Variants in ZNF420 observed in about 807,000 individuals in gnomAD.
ZNF420 encodes the protein ATM and p53-associated KZNF protein.
ZNF420 carries 31 observed loss-of-function variants against 44.7 expected under a neutral mutation model. The ratio of observed to expected loss-of-function variants is 0.69; its 90% CI spans 0.52 to 0.94. ZNF420 has a LOEUF of 0.94. Ranked by LOEUF, ZNF420 falls within the 40% of genes least tolerant of loss-of-function variation. The probability of loss-of-function intolerance (pLI) is 0.00; values close to 1 mark genes in which losing one functional copy is unlikely to be tolerated. For synonymous variants in ZNF420, 245 were observed against 267.4 expected, an observed-to-expected ratio of 0.92 and a Z score of 0.82; for missense variants, 681 against 827.9, an observed-to-expected ratio of 0.82 and a Z score of 2.18.
intron 1 of ZNF420, among the ~76,000 whole-genome samples, chr19:37,064,393 A>C (rs1273740642): frequency 6.6e-5 from 10 of 152,106 alleles, no homozygotes; most frequent in Admixed American, 6.6e-4. Flanking sequence ...CAGATTTGGC[A>C]AGTGGGAGCC....
At chr19:37,038,474 T>C (rs1007232618) in intron 1 of ZNF420, among the ~76,000 whole-genome samples, 12 of 152,206 alleles carry the variant, frequency 7.9e-5, no homozygotes. Context: ...TTACCCACGG[T>C]AGAATTTTTA....
intron 2 of ZNF420, among the ~76,000 whole-genome samples, chr19:37,088,640 A>T (rs754442860): frequency 1.3e-5 from 2 of 152,230 alleles, no homozygotes; most frequent in Non-Finnish European, 2.9e-5. Context: ...AACAATACTT[A>T]GTTACATATT....
intron 1 of ZNF420, among the ~76,000 whole-genome samples, chr19:37,016,244 T>C (rs1428622199): frequency 6.6e-6 from 1 of 152,230 alleles, no homozygotes; most frequent in Admixed American, 6.5e-5. Flanking sequence ...TTTCTTATTG[T>C]TGAGTGATCT....
chr19:37,010,263 A>G (rs903201981), intron 1 of ZNF420, among the ~76,000 whole-genome samples: 3 of 152,152 alleles, frequency 2.0e-5, no homozygotes, highest in Non-Finnish European at 2.9e-5. Flanking sequence ...CGGAGGGCGG[A>G]CCAGCATGAG....
chr19:37,058,805 C>T (rs192575753), intron 1 of ZNF420, among the ~76,000 whole-genome samples: 3 of 152,302 alleles, frequency 2.0e-5, no homozygotes, highest in Non-Finnish European at 4.4e-5. Context: ...GCCAGTGCCA[C>T]GTGTGGTCTC....
intron 4 of ZNF420, among the ~76,000 whole-genome samples, chr19:37,114,252 C>T: frequency 6.6e-6 from 1 of 152,108 alleles, no homozygotes; most frequent in East Asian, 1.9e-4. Flanking sequence ...GATATAGCGC[C>T]CTGCCCTGTG....
At chr19:37,112,971 G>A (rs562799886) in intron 4 of ZNF420, among the ~76,000 whole-genome samples, 1 of 152,242 alleles carries the variant, frequency 6.6e-6, no homozygotes, top group South Asian at 2.1e-4. Context: ...CTGCACTGCC[G>A]CTTGTGGCCG....
At chr19:37,077,057 C>G (rs116596427), upstream of ZNF420, among the ~76,000 whole-genome samples, 1,217 of 152,126 alleles carry the variant, frequency 8.0e-3, 18 homozygotes, top group African/African-American at 0.027. Context: ...AATTTTTTTC[C>G]CTCTGAAGGA....
At chr19:37,078,359 C>T (rs1968225830), upstream of ZNF420, 1 of 152,218 alleles carries the variant, frequency 6.6e-6, no homozygotes, top group African/African-American at 2.4e-5. Flanking sequence ...CCCAGAGGCA[C>T]GGCGTCCGGA....
upstream of ZNF420, among the ~76,000 whole-genome samples, chr19:37,076,204 G>T (rs866402596): frequency 1.3e-5 from 2 of 151,068 alleles, no homozygotes; most frequent in Non-Finnish European, 2.9e-5. Flanking sequence ...AGCACTCATC[G>T]TAACTATTCA....
rs1241201656 is a variant in ZNF420 at position 37,120,962 on chromosome 19, A to G, written c.137-6166A>G. ...AAGGAGAACTACAAACCACTGCTCA[A>G]TGAAATAAAAGAGGATACAAACAAA... On this transcript the variant is annotated intron_variant, in intron 4 of 4. Coordinates refer to ENST00000337995, the MANE Select transcript of ZNF420 (RefSeq NM_144689.5). Among the ~76,000 whole-genome samples the G allele has an allele frequency of 1.5e-4, 23 of 152,172 alleles. 1 individual carries two copies. In the South Asian group the frequency reaches 4.8e-3, roughly 32 times the overall value.
upstream of ZNF420, among the ~76,000 whole-genome samples, chr19:37,073,751 GAA>G (rs71177422): frequency 4.0e-5 from 4 of 100,686 alleles, no homozygotes; most frequent in Non-Finnish European, 6.4e-5. Context: ...CCTGAAAAAA[GAA>G]AAAAAAAAAA....
chr19:37,009,064 G>A (rs1480705177), intron 1 of ZNF420, among the ~76,000 whole-genome samples: 1 of 152,170 alleles, frequency 6.6e-6, no homozygotes, highest in Non-Finnish European at 1.5e-5. Flanking sequence ...GTAGGCGACC[G>A]TGGCTGGCCT....
At chr19:37,011,872 G>T (rs1312490131) in intron 1 of ZNF420, among the ~76,000 whole-genome samples, 1 of 152,202 alleles carries the variant, frequency 6.6e-6, no homozygotes, top group Non-Finnish European at 1.5e-5. Flanking sequence ...CTAGAAAGCG[G>T]TGTCTTCTTG....
In ZNF420 at chr19:37,127,934, G is replaced by A. The variant is rs1971445622; in HGVS notation, c.943G>A (p.Ala315Thr). The A allele has an allele frequency of 6.2e-7, 1 of 1,613,624 alleles. No homozygotes were observed. Among genetic ancestry groups the A allele is most frequent in the South Asian group, 1.1e-5 (1 of 91,042 alleles). The part of the protein sequence containing the change: ...KPYECKECGK[A>T]FICGSQLSQH... ...CTATGAATGTAAGGAATGTGGAAAA[G>A]CTTTTATTTGTGGCTCACAGCTTTC... Residue 315 changes from alanine to threonine, a missense_variant, in exon 5 of 5, where the codon GCT (alanine) becomes ACT (threonine). Physicochemically the swap from Ala to Thr is moderately conservative, Grantham distance 58 (BLOSUM62 0). Transcript: ENST00000337995.
Position 37,129,686 on chromosome 19 carries a change from A to G in ZNF420, c.*628A>G, listed in dbSNP as rs1425582025. The G allele has an allele frequency of 6.4e-6, 1 of 155,562 alleles. No homozygotes were observed. Among genetic ancestry groups the G allele is most frequent in the Non-Finnish European group, 1.4e-5 (1 of 72,770 alleles). 9.6% of individuals were successfully genotyped at this position (155,562 alleles called of 1,614,324 possible). ...CATTTAAATCTCATCCATTATTGCT[A>G]TAAGAGGAAATTCATACTGTTAAAA... is the stretch of plus-strand genomic sequence containing the variant. On this transcript the variant is annotated 3_prime_UTR_variant, in exon 5 of 5. Coordinates refer to ENST00000337995, the MANE Select transcript of ZNF420 (RefSeq NM_144689.5).
chr19:37,054,706 G>A (rs910694097), intron 1 of ZNF420, among the ~76,000 whole-genome samples: 1 of 152,204 alleles, frequency 6.6e-6, no homozygotes, highest in Non-Finnish European at 1.5e-5. Context: ...GGTGCTCACT[G>A]TCATGCGCTG....
intron 1 of ZNF420, among the ~76,000 whole-genome samples, chr19:37,039,428 G>A (rs1020688189): frequency 2.6e-5 from 4 of 152,196 alleles, no homozygotes; most frequent in African/African-American, 4.8e-5. Context: ...GTACATCTCC[G>A]TTAGAGCTCT....
Position 37,115,088 on chromosome 19 carries a change from G to A in ZNF420, c.137-12040G>A, listed in dbSNP as rs554044618. On this transcript the variant is annotated intron_variant, in intron 4 of 4. Coordinates refer to ENST00000337995, the MANE Select transcript of ZNF420 (RefSeq NM_144689.5). ...CTTCTTCTGAGCGCACAAGTTTACC[G>A]CAAAGGGTGACCATAGACGTACTCA... 74 of 166,970 alleles carry A rather than the reference G, an allele frequency of 4.4e-4. 1 individual carries two copies. The highest frequency in any genetic ancestry group is 1.8e-3 in the South Asian group (10 of 5,486). The allele number at this position is 166,970 out of a possible 1,614,324, so 10.3% of individuals were successfully genotyped here.
Sources: gnomAD v4.1 joint callset for allele counts (sites outside exome capture counted in the v4.1 genomes callset) on GRCh38, gnomAD v4.1.1 for gene constraint, MANE v1.5 for transcripts, NCBI Gene and HGNC (gene_info 2026-07-23, HGNC 2026-07-21) for gene names.